Variants in RAF1 observed in about 807,000 individuals in gnomAD.
RAF1 encodes RAF proto-oncogene serine/threonine-protein kinase.
Under a neutral mutation model 81.1 loss-of-function variants are expected in RAF1, and 27 were observed. That is an observed-to-expected ratio of 0.33 (90% confidence interval 0.25 to 0.46). RAF1 has a LOEUF of 0.46. Ranked by LOEUF, RAF1 falls within the 20% of genes least tolerant of loss-of-function variation. The pLI, the probability that RAF1 is intolerant of heterozygous loss-of-function variation, is 1.00. For missense variants in RAF1, 598 were observed against 826.0 expected (o/e 0.72, Z 3.38); for synonymous variants, 298 against 294.0 (o/e 1.01, Z -0.14).
chr3:12,639,888 CA>C (rs1182153000), intron 1 of RAF1, among the ~76,000 whole-genome samples: 1 of 151,918 alleles, frequency 6.6e-6, no homozygotes, highest in East Asian at 1.9e-4. Context: ...CATATGGAAC[CA>C]AAAAAGAGCC....
intron 3 of RAF1, among the ~76,000 whole-genome samples, chr3:12,611,687 A>G (rs2059215222): frequency 6.6e-6 from 1 of 152,280 alleles, no homozygotes; most frequent in East Asian, 1.9e-4. Context: ...GCGACAGAGC[A>G]AGACTCCACC....
chr3:12,656,146 T>C (rs1317104323), intron 1 of RAF1, among the ~76,000 whole-genome samples: 3 of 145,212 alleles, frequency 2.1e-5, no homozygotes, highest in Non-Finnish European at 3.0e-5. Context: ...TAGATAATAC[T>C]AGCCAGGGAA....
intron 1 of RAF1, among the ~76,000 whole-genome samples, chr3:12,652,414 G>A (rs1037970597): frequency 4.0e-5 from 6 of 151,788 alleles, no homozygotes; most frequent in South Asian, 2.1e-4. Context: ...CCAGCTACTC[G>A]GGAGGCTGAG....
At chr3:12,601,949 G>A (rs988838609) in intron 8 of RAF1, among the ~76,000 whole-genome samples, 1 of 152,160 alleles carries the variant, frequency 6.6e-6, no homozygotes, top group Non-Finnish European at 1.5e-5. Context: ...CAAAACACTG[G>A]CAAAAAATAA....
intron 1 of RAF1, among the ~76,000 whole-genome samples, 187 bp downstream of exon 1, chr3:12,663,626 A>G (rs919425372): frequency 1.3e-5 from 2 of 150,262 alleles, no homozygotes; most frequent in East Asian, 4.0e-4. Context: ...CTCGCCGGCC[A>G]TGACACCGGA....
intron 6 of RAF1, among the ~76,000 whole-genome samples, chr3:12,605,777 A>G (rs541108842): frequency 1.6e-4 from 24 of 152,344 alleles, no homozygotes; most frequent in African/African-American, 5.3e-4. Flanking sequence ...TAAAGACACT[A>G]GTCTATTTAA....
intron 1 of RAF1, among the ~76,000 whole-genome samples, chr3:12,662,650 C>T (rs2060915840): frequency 2.0e-5 from 3 of 151,976 alleles, no homozygotes; most frequent in African/African-American, 7.3e-5. Flanking sequence ...AAACTCATCC[C>T]AACTCCCACA....
chr3:12,627,875 T>C (rs1447099151), intron 1 of RAF1, among the ~76,000 whole-genome samples: 3 of 152,234 alleles, frequency 2.0e-5, no homozygotes, highest in Non-Finnish European at 2.9e-5. Context: ...ATCCTAGCAC[T>C]ATGGGAGGCC....
chr3:12,652,748 G>A (rs1222310015), intron 1 of RAF1, among the ~76,000 whole-genome samples: 7 of 151,924 alleles, frequency 4.6e-5, no homozygotes, highest in Non-Finnish European at 8.8e-5. Context: ...AGGAGGTTGA[G>A]ACCAGCCTGT....
chr3:12,657,862 AAAAAC>A (rs796522408), intron 1 of RAF1, among the ~76,000 whole-genome samples: 6 of 102,884 alleles, frequency 5.8e-5, no homozygotes, highest in Non-Finnish European at 1.2e-4. Flanking sequence ...CACCCAAAAA[AAAAAC>A]AAAACAAAAC....
chr3:12,587,962 CTTTT>C (rs33981119), intron 13 of RAF1: 129 of 62,694 alleles, frequency 2.1e-3, no homozygotes, highest in South Asian at 8.6e-3. Context: ...ACCATGCCGC[CTTTT>C]TTTTTTTTTT....
chr3:12,620,203 G>A (rs1304304352), intron 1 of RAF1, among the ~76,000 whole-genome samples: 3 of 151,826 alleles, frequency 2.0e-5, no homozygotes, highest in East Asian at 1.9e-4. Context: ...GTGTAGTGGC[G>A]CGATCTTGGC....
At chr3:12,600,679 A>G (rs543024998) in intron 8 of RAF1, among the ~76,000 whole-genome samples, 1 of 152,328 alleles carries the variant, frequency 6.6e-6, no homozygotes, top group African/African-American at 2.4e-5. Context: ...CTCCTGCCTC[A>G]GTCTCCCGAG....
In RAF1 at chr3:12,652,444, C is replaced by T. The variant is rs141049404; in HGVS notation, c.-27+11369G>A. 6.9e-3 allele frequency among the ~76,000 whole-genome samples: 1,051 copies of T among 152,100 alleles called. 6 individuals carry two copies. Among genetic ancestry groups the T allele is most frequent in the African/African-American group, 0.024 (991 of 41,480 alleles). ...GCTGAGGCAAGAGAATCACTTGAACCCAGGAGGCAGGGGCTGCAGTGAGCC... is the reference window on the plus strand; with the variant it reads ...GCTGAGGCAAGAGAATCACTTGAACTCAGGAGGCAGGGGCTGCAGTGAGCC... On this transcript the variant is annotated intron_variant, in intron 1 of 17. Transcript: ENST00000442415.
chr3:12,625,885 A>G (rs114801344), intron 1 of RAF1, among the ~76,000 whole-genome samples: 299 of 152,280 alleles, frequency 2.0e-3, no homozygotes, highest in African/African-American at 6.8e-3. Context: ...CCTGTCACCA[A>G]TACCAATACA....
At chr3:12,604,053 A>T in intron 7 of RAF1, 83 bp downstream of exon 7, 1 of 1,525,252 alleles carries the variant, frequency 6.6e-7, no homozygotes, top group Non-Finnish European at 9.1e-7. Flanking sequence ...CCTTGATCAG[A>T]TTTGAAACCC....
At chr3:12,626,891 C>T (rs538726902) in intron 1 of RAF1, among the ~76,000 whole-genome samples, 84 of 151,440 alleles carry the variant, frequency 5.5e-4, no homozygotes, top group Non-Finnish European at 1.1e-3. Flanking sequence ...AGGGTTGGTG[C>T]TGCACGCCTG....
At chr3:12,609,714 C>T (rs2059151423) in intron 3 of RAF1, among the ~76,000 whole-genome samples, 1 of 152,142 alleles carries the variant, frequency 6.6e-6, no homozygotes, top group African/African-American at 2.4e-5. Flanking sequence ...TCCCTGGCCT[C>T]AAGCGGTCCT....
At chr3:12,609,151 C>T (rs2059131362) in intron 4 of RAF1, 82 bp downstream of exon 4, 7 of 1,077,616 alleles carry the variant, frequency 6.5e-6, no homozygotes, top group East Asian at 4.7e-5. Context: ...TATATATATA[C>T]ATACGCATAT....
Sources: gnomAD v4.1 joint callset for allele counts (sites outside exome capture counted in the v4.1 genomes callset) on GRCh38, gnomAD v4.1.1 for gene constraint, MANE v1.5 for transcripts, NCBI Gene and HGNC (gene_info 2026-07-23, HGNC 2026-07-21) for gene names.